The following WWOX variants were observed in gnomAD, a reference collection of about 807,000 sequenced individuals.
The protein encoded by WWOX is WW domain containing oxidoreductase.
Under a neutral mutation model 46.2 loss-of-function variants are expected in WWOX, and 69 were observed. The observed-to-expected ratio is 1.49, with a 90% CI of 1.23 to 1.82. The LOEUF (loss-of-function observed/expected upper bound fraction) is 1.82, where lower values mean the gene tolerates loss of function less well. WWOX is among the 40% of genes most tolerant of loss of function. WWOX has a pLI of 0.00. For synonymous variants in WWOX, 359 were observed against 202.6 expected, an observed-to-expected ratio of 1.77 and a Z score of -6.56; for missense variants, 919 against 542.6, an observed-to-expected ratio of 1.69 and a Z score of -6.89.
intron 5 of WWOX, among the ~76,000 whole-genome samples, chr16:78,195,821 C>CAAAAA (rs148609646): frequency 2.1e-4 from 16 of 76,002 alleles, no homozygotes; most frequent in Non-Finnish European, 3.2e-4. Context: ...GACTCTGCCT[C>CAAAAA]AAAAAAAAAA....
At chr16:78,640,850 A>T (rs2046689631) in intron 8 of WWOX, among the ~76,000 whole-genome samples, 1 of 151,762 alleles carries the variant, frequency 6.6e-6, no homozygotes, top group Non-Finnish European at 1.5e-5. Flanking sequence ...GAGGCAGGGG[A>T]ATTGCTTGAA....
At chr16:78,788,370 C>T (rs761996750) in intron 8 of WWOX, among the ~76,000 whole-genome samples, 13 of 152,196 alleles carry the variant, frequency 8.5e-5, no homozygotes, top group Non-Finnish European at 1.6e-4. Flanking sequence ...TCCTGTCCTT[C>T]TTTCACCTGC....
chr16:78,429,588 G>A (rs889302246), intron 7 of WWOX, among the ~76,000 whole-genome samples: 3 of 152,110 alleles, frequency 2.0e-5, no homozygotes, highest in East Asian at 1.9e-4. Context: ...ATACCTTTCA[G>A]ATACTCTCTA....
At chr16:79,069,818 G>T (rs2048514532) in intron 8 of WWOX, among the ~76,000 whole-genome samples, 1 of 152,124 alleles carries the variant, frequency 6.6e-6, no homozygotes, top group African/African-American at 2.4e-5. Context: ...TTGCTAACTG[G>T]TGTTAGTTAG....
chr16:78,522,321 C>T (rs142513790), intron 8 of WWOX, among the ~76,000 whole-genome samples: 389 of 151,994 alleles, frequency 2.6e-3, no homozygotes, highest in Non-Finnish European at 4.3e-3. Flanking sequence ...TGAAGGCTTG[C>T]GGAACATTAA....
chr16:79,050,557 C>G (rs561185972), intron 8 of WWOX, among the ~76,000 whole-genome samples: 20 of 152,294 alleles, frequency 1.3e-4, no homozygotes, highest in Middle Eastern at 3.4e-3. Flanking sequence ...ACTGCAGTCC[C>G]AAAGCCCGGG....
chr16:79,000,919 A>G (rs1450747058), intron 8 of WWOX, among the ~76,000 whole-genome samples: 2 of 152,116 alleles, frequency 1.3e-5, no homozygotes, highest in Admixed American at 1.3e-4. Context: ...ATTAATACTC[A>G]TCTGCCCCAC....
At chr16:79,030,166 G>T (rs1038527252) in intron 8 of WWOX, among the ~76,000 whole-genome samples, 3 of 152,100 alleles carry the variant, frequency 2.0e-5, no homozygotes, top group African/African-American at 4.8e-5. Context: ...CTAATTTTCC[G>T]TTATCATAGC....
chr16:78,564,897 G>T (rs2044527974), intron 8 of WWOX, among the ~76,000 whole-genome samples: 1 of 151,218 alleles, frequency 6.6e-6, no homozygotes, highest in Non-Finnish European at 1.5e-5. Flanking sequence ...CTCTTCTCTA[G>T]TTTTTATATG....
At chr16:79,050,755 G>A (rs887828143) in intron 8 of WWOX, among the ~76,000 whole-genome samples, 1 of 152,228 alleles carries the variant, frequency 6.6e-6, no homozygotes. Flanking sequence ...AAGAGAGGAA[G>A]TGAGGAGAAT....
chr16:78,370,023 C>A (rs1254402269), intron 5 of WWOX, among the ~76,000 whole-genome samples: 2 of 148,100 alleles, frequency 1.4e-5, no homozygotes, highest in Non-Finnish European at 3.0e-5. Flanking sequence ...TCCCAGCTAC[C>A]TGGGAGGCTG....
chr16:78,099,677 G>C lies in WWOX; in HGVS notation c.-102G>C. ...GCGCAGTGCGCAGGCGTGAGCGGTC[G>C]GGCCCCGACGCGCGCGGGTCTCGTT... On this transcript the variant is annotated 5_prime_UTR_variant, in exon 1 of 9. Transcript: ENST00000566780. 2.1e-6 allele frequency: 3 copies of C among 1,410,898 alleles called. No homozygotes were observed. The highest frequency in any genetic ancestry group is 2.7e-5 in the East Asian group (1 of 37,348). 87.4% of individuals were successfully genotyped at this position (1,410,898 alleles called of 1,614,324 possible). A position where few individuals can be genotyped will look rare whatever the true frequency, so the allele number is the denominator to read the frequency against.
intron 8 of WWOX, among the ~76,000 whole-genome samples, chr16:78,745,814 A>G (rs1460875285): frequency 6.6e-6 from 1 of 150,808 alleles, no homozygotes; most frequent in Non-Finnish European, 1.5e-5. Flanking sequence ...GTGGGTGGGT[A>G]GAGGGCTAGT....
At chr16:78,822,834 C>G (rs896139247) in intron 8 of WWOX, among the ~76,000 whole-genome samples, 2 of 151,584 alleles carry the variant, frequency 1.3e-5, no homozygotes, top group East Asian at 3.9e-4. Flanking sequence ...AAGGTAATTC[C>G]TAAAGAAGAG....
Position 78,344,382 on chromosome 16 carries a change from A to G in WWOX, c.517-42478A>G, listed in dbSNP as rs572505761. The stretch of plus-strand genomic sequence containing the variant: ...GTATTTGCTTAAATAAATAGGCCAT[A>G]TAAATCTAGCTCCCAATGTCCATTT... On this transcript the variant is annotated intron_variant, in intron 5 of 8. Coordinates refer to ENST00000566780, the MANE Select transcript of WWOX (RefSeq NM_016373.4). Among the ~76,000 whole-genome samples the G allele has an allele frequency of 1.6e-4, 19 of 121,568 alleles. 5 individuals are homozygous for G. The highest frequency in any genetic ancestry group is 4.5e-4 in the African/African-American group (16 of 35,918). 79.8% of individuals were successfully genotyped at this position (121,568 alleles called of 152,430 possible). A position where few individuals can be genotyped will look rare whatever the true frequency, so the allele number is the denominator to read the frequency against.
chr16:79,080,775 C>T (rs1181025243), intron 8 of WWOX, among the ~76,000 whole-genome samples: 5 of 151,986 alleles, frequency 3.3e-5, no homozygotes, highest in East Asian at 3.9e-4. Flanking sequence ...GAGACCAGCC[C>T]GGGCAACACA....
At chr16:79,039,450 G>C (rs544725884) in intron 8 of WWOX, among the ~76,000 whole-genome samples, 1 of 152,248 alleles carries the variant, frequency 6.6e-6, no homozygotes, top group African/African-American at 2.4e-5. Flanking sequence ...CTTCCTCCTG[G>C]GCACAGCTGT....
At chr16:78,363,695 T>C (rs4319781) in intron 5 of WWOX, among the ~76,000 whole-genome samples, 151,362 of 152,304 alleles carry the variant, frequency 0.99, 75,251 homozygotes, top group Middle Eastern at 1. Flanking sequence ...TCTATTAACC[T>C]TCCTATATTT....
At chr16:78,695,765 G>A (rs747460773) in intron 8 of WWOX, among the ~76,000 whole-genome samples, 6 of 152,196 alleles carry the variant, frequency 3.9e-5, no homozygotes, top group Admixed American at 6.5e-5. Flanking sequence ...TGACAAAAAC[G>A]AAAACCAATA....
Sources: gnomAD v4.1 joint callset for allele counts (sites outside exome capture counted in the v4.1 genomes callset) on GRCh38, gnomAD v4.1.1 for gene constraint, MANE v1.5 for transcripts, NCBI Gene and HGNC (gene_info 2026-07-23, HGNC 2026-07-21) for gene names.